The following GPC5 variants were observed in gnomAD, a reference collection of about 807,000 sequenced individuals.
GPC5 encodes glypican-5.
Under a neutral mutation model 53.9 loss-of-function variants are expected in GPC5, and 47 were observed. The ratio of observed to expected loss-of-function variants is 0.87; its 90% CI spans 0.69 to 1.11. GPC5 has a LOEUF of 1.11. Ranked by LOEUF, GPC5 falls within the 50% of genes most tolerant of loss-of-function variation. GPC5 has a pLI of 0.00. For missense variants in GPC5, 748 were observed against 713.1 expected, an observed-to-expected ratio of 1.05 and a Z score of -0.56; for synonymous variants, 286 against 263.3, an observed-to-expected ratio of 1.09 and a Z score of -0.84.
At chr13:92,601,911 C>A (rs1884071883) in intron 7 of GPC5, among the ~76,000 whole-genome samples, 1 of 151,274 alleles carries the variant, frequency 6.6e-6, no homozygotes, top group Non-Finnish European at 1.5e-5. Flanking sequence ...ATTTTTAATA[C>A]CTTGAGTTAT....
intron 5 of GPC5, among the ~76,000 whole-genome samples, chr13:91,777,547 T>G (rs1296244595): frequency 4.6e-5 from 7 of 152,318 alleles, no homozygotes; most frequent in Admixed American, 3.9e-4. Context: ...ATTCATTACA[T>G]AAATATATAG....
chr13:91,976,778 G>A (rs1354174449), intron 6 of GPC5, among the ~76,000 whole-genome samples: 6 of 152,130 alleles, frequency 3.9e-5, no homozygotes, highest in African/African-American at 7.2e-5. Context: ...GGTGGCTCAC[G>A]CCTGTAATCC....
At chr13:92,091,235 A>C (rs1294480177) in intron 6 of GPC5, among the ~76,000 whole-genome samples, 1 of 152,254 alleles carries the variant, frequency 6.6e-6, no homozygotes, top group Admixed American at 6.5e-5. Flanking sequence ...TAATAATAAC[A>C]ACAAACTAAA....
intron 2 of GPC5, among the ~76,000 whole-genome samples, chr13:91,470,975 A>G (rs745918752): frequency 1.3e-5 from 2 of 152,144 alleles, no homozygotes; most frequent in African/African-American, 2.4e-5. Flanking sequence ...CTGACAATCC[A>G]ATTTTGATCA....
intron 6 of GPC5, among the ~76,000 whole-genome samples, chr13:92,112,764 G>T (rs1437138401): frequency 6.6e-6 from 1 of 152,104 alleles, no homozygotes; most frequent in East Asian, 1.9e-4. Flanking sequence ...ATATGTATGT[G>T]TTGTGAAAAA....
intron 2 of GPC5, among the ~76,000 whole-genome samples, chr13:91,679,990 A>G (rs969696870): frequency 4.6e-5 from 7 of 152,212 alleles, no homozygotes; most frequent in African/African-American, 1.7e-4. Flanking sequence ...TTCAGACTTA[A>G]GTATTTGGCA....
intron 6 of GPC5, among the ~76,000 whole-genome samples, chr13:92,092,261 T>G (rs1170166288): frequency 6.6e-6 from 1 of 152,220 alleles, no homozygotes; most frequent in Non-Finnish European, 1.5e-5. Flanking sequence ...CTTACATATA[T>G]TTGTATCTCA....
At chr13:91,660,513 C>T (rs1169989248) in intron 2 of GPC5, among the ~76,000 whole-genome samples, 1 of 152,178 alleles carries the variant, frequency 6.6e-6, no homozygotes, top group Non-Finnish European at 1.5e-5. Flanking sequence ...GTAGAAGATC[C>T]TCAGCTGAGA....
chr13:92,362,951 C>T (rs189526872), intron 7 of GPC5, among the ~76,000 whole-genome samples: 11 of 151,682 alleles, frequency 7.3e-5, no homozygotes, highest in East Asian at 1.9e-4. Context: ...TTGCACAGGA[C>T]GGGAAACCTC....
chr13:92,776,546 G>T (rs912859496), intron 7 of GPC5, among the ~76,000 whole-genome samples: 1 of 152,116 alleles, frequency 6.6e-6, no homozygotes, highest in African/African-American at 2.4e-5. Context: ...TCTTTGGCAG[G>T]GCCATGGGGA....
intron 2 of GPC5, among the ~76,000 whole-genome samples, chr13:91,669,299 A>G (rs2035190920): frequency 6.6e-6 from 1 of 152,234 alleles, no homozygotes; most frequent in South Asian, 2.1e-4. Context: ...GAACAATGGT[A>G]CAATTCTGAA....
chr13:92,269,956 C>T (rs973218975), intron 7 of GPC5, among the ~76,000 whole-genome samples: 1 of 152,080 alleles, frequency 6.6e-6, no homozygotes, highest in Non-Finnish European at 1.5e-5. Context: ...ATGCAAGTAA[C>T]CTGTAGTTAT....
At chr13:91,945,392 T>G (rs2039965164) in intron 6 of GPC5, among the ~76,000 whole-genome samples, 1 of 152,232 alleles carries the variant, frequency 6.6e-6, no homozygotes, top group African/African-American at 2.4e-5. Flanking sequence ...TTTCACTTCA[T>G]GGTCTCTTTA....
intron 5 of GPC5, among the ~76,000 whole-genome samples, chr13:91,902,966 A>G (rs1309935733): frequency 6.6e-6 from 1 of 151,750 alleles, no homozygotes; most frequent in Non-Finnish European, 1.5e-5. Flanking sequence ...TTTTAACATA[A>G]TTTTATAAGG....
At chr13:92,666,224 AT>A (rs942330228) in intron 7 of GPC5, among the ~76,000 whole-genome samples, 13 of 152,212 alleles carry the variant, frequency 8.5e-5, no homozygotes, top group South Asian at 4.1e-4. Flanking sequence ...TTAACAATGG[AT>A]TTTTTTCCCT....
intron 7 of GPC5, among the ~76,000 whole-genome samples, chr13:92,328,494 G>A (rs185124308): frequency 6.6e-6 from 1 of 152,176 alleles, no homozygotes; most frequent in Admixed American, 6.6e-5. Flanking sequence ...TAGACGTAGA[G>A]GAATAAGAGT....
chr13:91,800,911 T>G (rs1318511411), intron 5 of GPC5, among the ~76,000 whole-genome samples: 4 of 152,160 alleles, frequency 2.6e-5, no homozygotes, highest in Non-Finnish European at 5.9e-5. Flanking sequence ...TGGTGTATCT[T>G]GAGATCTTAA....
chr13:92,489,945 T>C (rs1227283755), intron 7 of GPC5, among the ~76,000 whole-genome samples: 2 of 152,146 alleles, frequency 1.3e-5, no homozygotes, highest in Non-Finnish European at 2.9e-5. Flanking sequence ...TTTAAATGAT[T>C]CTGTGGAACT....
At chr13:92,378,656 C>T (rs1028824486) in intron 7 of GPC5, among the ~76,000 whole-genome samples, 1 of 151,990 alleles carries the variant, frequency 6.6e-6, no homozygotes, top group African/African-American at 2.4e-5. Context: ...TTAATGAGAC[C>T]TTTTTATAGA....
Sources: gnomAD v4.1 joint callset for allele counts (sites outside exome capture counted in the v4.1 genomes callset) on GRCh38, gnomAD v4.1.1 for gene constraint, MANE v1.5 for transcripts, NCBI Gene and HGNC (gene_info 2026-07-23, HGNC 2026-07-21) for gene names.